SUCLG2: variants seen among roughly 807,000 people sequenced by gnomAD.
SUCLG2 encodes succinate--CoA ligase [GDP-forming] subunit beta, mitochondrial.
A neutral mutation model predicts 47.9 loss-of-function variants in SUCLG2; 42 were observed. That is an observed-to-expected ratio of 0.88 (90% CI 0.69 to 1.14). SUCLG2 has a LOEUF of 1.14. Among genes scored for constraint, SUCLG2 ranks in the 50% most tolerant of loss-of-function variants. The probability of loss-of-function intolerance (pLI) is 0.00; values close to 1 mark genes in which losing one functional copy is unlikely to be tolerated. For synonymous variants in SUCLG2, 195 were observed against 197.3 expected (o/e 0.99, Z 0.10); for missense variants, 571 against 525.9 (o/e 1.09, Z -0.84).
chr3:67,546,401 C>T (rs546975991), intron 2 of SUCLG2, among the ~76,000 whole-genome samples: 2 of 152,036 alleles, frequency 1.3e-5, no homozygotes, highest in Non-Finnish European at 2.9e-5. Context: ...AGGAGGATAC[C>T]CTTTGAAATT....
chr3:67,414,397 G>A (rs1323939758), intron 9 of SUCLG2, among the ~76,000 whole-genome samples: 1 of 152,152 alleles, frequency 6.6e-6, no homozygotes, highest in Non-Finnish European at 1.5e-5. Context: ...ACTTCTTATG[G>A]GAGATTATAT....
intron 7 of SUCLG2, among the ~76,000 whole-genome samples, chr3:67,500,804 GT>G (rs1705476210): frequency 6.6e-6 from 1 of 152,172 alleles, no homozygotes; most frequent in South Asian, 2.1e-4. Flanking sequence ...TAAGGGAAGA[GT>G]TTCAAATAAA....
intron 6 of SUCLG2, among the ~76,000 whole-genome samples, chr3:67,516,030 A>G (rs1705936883): frequency 6.6e-6 from 1 of 151,966 alleles, no homozygotes; most frequent in Admixed American, 6.6e-5. Context: ...CAGCAGGCAG[A>G]TATCTACCGG....
At chr3:67,396,638 T>C (rs888663438) in intron 10 of SUCLG2, among the ~76,000 whole-genome samples, 5 of 151,954 alleles carry the variant, frequency 3.3e-5, no homozygotes, top group African/African-American at 4.8e-5. Context: ...CTCTAATCAA[T>C]AGAAAAAGAG....
In SUCLG2 at chr3:67,498,051, T is replaced by A. The variant is rs1705395164; in HGVS notation, c.919+83A>T. 6.4e-6 allele frequency: 9 copies of A among 1,396,150 alleles called. No homozygotes were observed. The South Asian group carries it at 1.3e-4, about 20-fold the overall frequency. The allele number at this position is 1,396,150 out of a possible 1,614,324, so 86.5% of individuals were successfully genotyped here. ...AAAAACTTATGTGCTTACTTCTTCTTGGTAAGTGACATTTCAGAAATCAAG... is the reference window on the plus strand; with the variant it reads ...AAAAACTTATGTGCTTACTTCTTCTAGGTAAGTGACATTTCAGAAATCAAG... On this transcript the variant is annotated intron_variant, in intron 8 of 10. Transcript: ENST00000307227.
intron 9 of SUCLG2, among the ~76,000 whole-genome samples, chr3:67,451,424 C>G (rs1365287942): frequency 6.6e-6 from 1 of 152,180 alleles, no homozygotes; most frequent in Non-Finnish European, 1.5e-5. Flanking sequence ...GAGACTATTT[C>G]TCACGTACAG....
chr3:67,488,528 C>A (rs911376437), intron 9 of SUCLG2, among the ~76,000 whole-genome samples: 2 of 152,176 alleles, frequency 1.3e-5, no homozygotes, highest in African/African-American at 4.8e-5. Context: ...AGTTCACTAC[C>A]CACATCTAAT....
chr3:67,612,610 G>T (rs1484922460), intron 1 of SUCLG2, among the ~76,000 whole-genome samples: 2 of 152,182 alleles, frequency 1.3e-5, no homozygotes, highest in African/African-American at 4.8e-5. Flanking sequence ...GAAATGTCAA[G>T]AATTATTATC....
intron 9 of SUCLG2, among the ~76,000 whole-genome samples, chr3:67,461,335 G>C (rs966100108): frequency 6.6e-6 from 1 of 152,056 alleles, no homozygotes; most frequent in Non-Finnish European, 1.5e-5. Flanking sequence ...TCTGCTTGAA[G>C]TCTTGAAAGT....
At chr3:67,409,840 A>G (rs1446613309) in intron 9 of SUCLG2, among the ~76,000 whole-genome samples, 1 of 152,220 alleles carries the variant, frequency 6.6e-6, no homozygotes, top group African/African-American at 2.4e-5. Context: ...GAATACTGGT[A>G]TAGCTTAACA....
chr3:67,408,538 C>T, intron 9 of SUCLG2: 1 of 796,048 alleles, frequency 1.3e-6, no homozygotes, highest in South Asian at 5.6e-5. Flanking sequence ...CCTCTGGGGA[C>T]AGTAACTTGA....
At chr3:67,383,699 A>G (rs1383792639) in intron 10 of SUCLG2, among the ~76,000 whole-genome samples, 2 of 152,214 alleles carry the variant, frequency 1.3e-5, no homozygotes, top group African/African-American at 4.8e-5. Context: ...GATCAAGTCT[A>G]ACATATTCAC....
chr3:67,548,911 T>A (rs1706937010), intron 2 of SUCLG2, among the ~76,000 whole-genome samples: 1 of 152,128 alleles, frequency 6.6e-6, no homozygotes, highest in African/African-American at 2.4e-5. Context: ...CTTCCCCCAT[T>A]ACCACTTCCA....
chr3:67,499,720 G>GTTTGTTTGTTTATTTATTTATTTA (rs573806231), intron 7 of SUCLG2, among the ~76,000 whole-genome samples: 1 of 150,746 alleles, frequency 6.6e-6, no homozygotes, highest in African/African-American at 2.5e-5. Flanking sequence ...TTGTTTGTTT[G>GTTTGTTTGTTTATTTATTTATTTA]TTTATTTATT....
At chr3:67,402,140 T>A (rs1702698303) in intron 9 of SUCLG2, among the ~76,000 whole-genome samples, 1 of 152,190 alleles carries the variant, frequency 6.6e-6, no homozygotes, top group South Asian at 2.1e-4. Flanking sequence ...TTACAGAACC[T>A]CTCTTGAACA....
At chr3:67,427,512 G>A (rs1178281788) in intron 9 of SUCLG2, among the ~76,000 whole-genome samples, 1 of 152,172 alleles carries the variant, frequency 6.6e-6, no homozygotes, top group Non-Finnish European at 1.5e-5. Context: ...TAAATAGGAA[G>A]AGGTTCCAAG....
intron 2 of SUCLG2, among the ~76,000 whole-genome samples, chr3:67,565,419 C>T (rs1285986091): frequency 6.6e-6 from 1 of 152,062 alleles, no homozygotes; most frequent in African/African-American, 2.4e-5. Flanking sequence ...CAGTCTTACC[C>T]CAACTGTATA....
At chr3:67,465,239 C>G (rs963535412) in intron 9 of SUCLG2, among the ~76,000 whole-genome samples, 1 of 152,140 alleles carries the variant, frequency 6.6e-6, no homozygotes, top group African/African-American at 2.4e-5. Context: ...CTTTCAGAGG[C>G]TTACAATTTT....
intron 9 of SUCLG2, among the ~76,000 whole-genome samples, chr3:67,460,976 C>T (rs1055871942): frequency 3.9e-5 from 6 of 152,104 alleles, no homozygotes; most frequent in East Asian, 1.9e-4. Context: ...ATTTGTCTAA[C>T]GTCTCTGCAC....
Sources: allele counts gnomAD v4.1 joint callset (sites outside exome capture counted in the v4.1 genomes callset), GRCh38; gene constraint gnomAD v4.1.1; transcripts MANE v1.5; gene names NCBI Gene and HGNC (gene_info 2026-07-23, HGNC 2026-07-21).